FKBP5: variants seen among roughly 807,000 people sequenced by gnomAD.
FKBP5 encodes the protein FKBP prolyl isomerase 5, also known as peptidyl-prolyl cis-trans isomerase FKBP5.
Under a neutral mutation model 50.5 loss-of-function variants are expected in FKBP5, and 23 were observed. The observed-to-expected ratio is 0.46, with a 90% CI of 0.33 to 0.65. The LOEUF (loss-of-function observed/expected upper bound fraction) is 0.65. FKBP5 is among the 30% of genes least tolerant of loss of function. FKBP5 has a pLI of 0.02. For synonymous variants in FKBP5, 176 were observed against 190.6 expected, an observed-to-expected ratio of 0.92 and a Z score of 0.63; for missense variants, 411 against 553.1, an observed-to-expected ratio of 0.74 and a Z score of 2.58.
rs1764893672 is a variant in FKBP5, at chr6:35,654,471, G to T, written c.-19-11628C>A. ...AAAAGATCTACAGCACTTAGAAAGT[G>T]TCTGAAGTTAGTGTACTATTCCCCT... On this transcript the variant is annotated intron_variant, in intron 1 of 10. Coordinates refer to ENST00000357266, the MANE Select transcript of FKBP5 (RefSeq NM_004117.4). 2.0e-5 allele frequency among the ~76,000 whole-genome samples: 3 copies of T among 152,200 alleles called. 1 individual carries two copies. The highest frequency in any genetic ancestry group is 6.5e-5 in the Admixed American group (1 of 15,272).
intron 8 of FKBP5, chr6:35,586,415 A>G (rs1333776597): frequency 1.0e-6 from 1 of 985,202 alleles, no homozygotes; most frequent in Non-Finnish European, 1.2e-6. Context: ...TTGTTTTGAA[A>G]TTTGTGCATG....
chr6:35,613,478 A>T (rs947254231), intron 5 of FKBP5, among the ~76,000 whole-genome samples: 3 of 152,158 alleles, frequency 2.0e-5, no homozygotes, highest in Admixed American at 2.0e-4. Flanking sequence ...GGCCTCCCAA[A>T]GTGCTGGGAT....
intron 1 of FKBP5, among the ~76,000 whole-genome samples, chr6:35,679,584 C>T (rs1476021903): frequency 3.9e-5 from 6 of 152,140 alleles, no homozygotes; most frequent in African/African-American, 1.4e-4. Context: ...CGGAATACTA[C>T]TCAGCCATAA....
rs1437084935 is a variant in FKBP5, at chr6:35,642,831, T to C, written c.-7A>G. Reference sequence around the variant, plus strand: ...CACCTTCATCAGTAGTCATTGTCTTTTAAGTAGAGAACCTGGTAAGAAGAA... The same window carrying C: ...CACCTTCATCAGTAGTCATTGTCTTCTAAGTAGAGAACCTGGTAAGAAGAA... On this transcript the variant is annotated 5_prime_UTR_variant, in exon 2 of 11. Transcript: ENST00000357266. 1.9e-6 allele frequency: 3 copies of C among 1,608,760 alleles called. No individual in the cohort carries two copies. The highest frequency in any genetic ancestry group is 2.5e-6 in the Non-Finnish European group (3 of 1,177,640).
At chr6:35,725,928 A>G (rs1055201547) in intron 1 of FKBP5, among the ~76,000 whole-genome samples, 1 of 152,078 alleles carries the variant, frequency 6.6e-6, no homozygotes, top group African/African-American at 2.4e-5. Flanking sequence ...ACCGCAGGGA[A>G]AGTCCTGATG....
chr6:35,689,452 C>G (rs1765939693), upstream of FKBP5, among the ~76,000 whole-genome samples: 3 of 152,062 alleles, frequency 2.0e-5, no homozygotes, highest in Non-Finnish European at 4.4e-5. Flanking sequence ...GATATCACCT[C>G]CCTCTGGACA....
chr6:35,614,906 C>T (rs747038212), intron 5 of FKBP5, among the ~76,000 whole-genome samples: 3 of 151,854 alleles, frequency 2.0e-5, no homozygotes, highest in Non-Finnish European at 4.4e-5. Flanking sequence ...AGGCAGATCA[C>T]GAGGTCAGGA....
chr6:35,697,462 G>T (rs532498542), intron 2 of FKBP5, among the ~76,000 whole-genome samples: 5 of 149,692 alleles, frequency 3.3e-5, no homozygotes, highest in Admixed American at 6.8e-5. Flanking sequence ...CAGGAGAATC[G>T]CTTGAACCCA....
At chr6:35,626,476 T>A (rs969019346) in intron 3 of FKBP5, among the ~76,000 whole-genome samples, 30 of 151,882 alleles carry the variant, frequency 2.0e-4, no homozygotes, top group African/African-American at 6.0e-4. Flanking sequence ...CCTTGAGTTT[T>A]AAAAAAAACG....
upstream of FKBP5, among the ~76,000 whole-genome samples, chr6:35,691,332 G>A (rs968208950): frequency 6.6e-6 from 1 of 152,164 alleles, no homozygotes; most frequent in East Asian, 1.9e-4. Context: ...TGTGGACAAG[G>A]GGGAAAGGGA....
intron 2 of FKBP5, among the ~76,000 whole-genome samples, chr6:35,719,612 T>C (rs113453472): frequency 0.021 from 3,135 of 152,306 alleles, 88 homozygotes; most frequent in African/African-American, 0.065. Flanking sequence ...TGCCCCTGTG[T>C]AGTCCACAGA....
chr6:35,578,604 C>A (rs1221494291), intron 9 of FKBP5, among the ~76,000 whole-genome samples: 1 of 151,932 alleles, frequency 6.6e-6, no homozygotes, highest in East Asian at 1.9e-4. Flanking sequence ...CCTGTCTCTA[C>A]TAAAAATACA....
chr6:35,586,845 T>A, intron 8 of FKBP5, 189 bp downstream of exon 8: 2 of 1,442,088 alleles, frequency 1.4e-6, no homozygotes, highest in Non-Finnish European at 1.8e-6. Flanking sequence ...GAGGAATCTG[T>A]ACTTTTTTTT....
At chr6:35,666,394 T>TTAAAAAAAAAAA (rs1554136779) in intron 1 of FKBP5, among the ~76,000 whole-genome samples, 4 of 33,266 alleles carry the variant, frequency 1.2e-4, no homozygotes, top group African/African-American at 3.4e-4. Context: ...CTATTATAGT[T>TTAAAAAAAAAAA]AAAAAAAAAA....
In FKBP5 at chr6:35,699,375, C is replaced by T. The variant is rs142015903; in HGVS notation, c.-20+20953G>A. Among the ~76,000 whole-genome samples, 3 of 152,294 alleles carry T rather than the reference C, an allele frequency of 2.0e-5. No homozygotes were observed. The East Asian group carries it at 5.8e-4, about 29-fold the overall frequency. ...TTCTACCACATTCTCTTAGTTAAAA[C>T]ACGTTACAGCCCAGTCCAGGTTCAA... On this transcript the variant is annotated intron_variant, in intron 2 of 11. Transcript: ENST00000536438.
chr6:35,582,235 C>A (rs1762454876), intron 8 of FKBP5: 1 of 985,224 alleles, frequency 1.0e-6, no homozygotes, highest in Admixed American at 6.2e-5. Context: ...ACAGGTCATT[C>A]ATAAGAACAC....
At chr6:35,609,672 A>C (rs1282100860) in intron 5 of FKBP5, among the ~76,000 whole-genome samples, 1 of 151,856 alleles carries the variant, frequency 6.6e-6, no homozygotes, top group East Asian at 1.9e-4. Flanking sequence ...TTTCTTTTTC[A>C]CTTTTCATCC....
chr6:35,628,065 G>A (rs1369581357), intron 3 of FKBP5, among the ~76,000 whole-genome samples: 3 of 151,490 alleles, frequency 2.0e-5, no homozygotes, highest in African/African-American at 7.3e-5. Flanking sequence ...GAGCCACTGT[G>A]CCCGGCCTTC....
At chr6:35,600,063 A>C (rs946224758) in intron 5 of FKBP5, among the ~76,000 whole-genome samples, 1 of 152,206 alleles carries the variant, frequency 6.6e-6, no homozygotes, top group African/African-American at 2.4e-5. Context: ...ATGTTATTGT[A>C]CTGAATATTG....
Sources: allele counts gnomAD v4.1 joint callset (sites outside exome capture counted in the v4.1 genomes callset), GRCh38; gene constraint gnomAD v4.1.1; transcripts MANE v1.5; gene names NCBI Gene and HGNC (gene_info 2026-07-23, HGNC 2026-07-21).